Variants in RAD51B observed in about 807,000 individuals in gnomAD.
RAD51B encodes DNA repair protein RAD51 homolog 2.
A neutral mutation model predicts 42.2 loss-of-function variants in RAD51B; 38 were observed. The ratio of observed to expected loss-of-function variants is 0.90; its 90% CI spans 0.70 to 1.18. The LOEUF (loss-of-function observed/expected upper bound fraction) is 1.18. RAD51B is among the 50% of genes most tolerant of loss of function. The pLI is 0.00. For synonymous variants in RAD51B, 154 were observed against 145.2 expected, an observed-to-expected ratio of 1.06 and a Z score of -0.43; for missense variants, 373 against 400.7, an observed-to-expected ratio of 0.93 and a Z score of 0.59.
chr14:67,885,025 G>A (rs1477447207), intron 5 of RAD51B, among the ~76,000 whole-genome samples: 1 of 152,050 alleles, frequency 6.6e-6, no homozygotes, highest in Non-Finnish European at 1.5e-5. Flanking sequence ...GATGCTTTTT[G>A]AGTTTACAGC....
chr14:67,832,335 C>T (rs928079587), intron 3 of RAD51B, among the ~76,000 whole-genome samples: 2 of 152,022 alleles, frequency 1.3e-5, no homozygotes, highest in East Asian at 3.9e-4. Context: ...AAAAAGCAGG[C>T]TACAAAATTG....
At chr14:68,007,503 C>T (rs985309946) in intron 7 of RAD51B, among the ~76,000 whole-genome samples, 3 of 151,870 alleles carry the variant, frequency 2.0e-5, no homozygotes, top group African/African-American at 7.3e-5. Context: ...ACACTTTTAT[C>T]AACGCTTTTT....
At chr14:67,892,830 C>T (rs141983232) in intron 7 of RAD51B, among the ~76,000 whole-genome samples, 257 of 152,328 alleles carry the variant, frequency 1.7e-3, no homozygotes, top group African/African-American at 6.0e-3. Context: ...TCCTGGTTGA[C>T]ATTACTTTGC....
chr14:68,044,107 G>T (rs1317476221), intron 7 of RAD51B, among the ~76,000 whole-genome samples: 1 of 152,196 alleles, frequency 6.6e-6, no homozygotes, highest in Non-Finnish European at 1.5e-5. Flanking sequence ...ACTGGCCCAG[G>T]AAAAGCAGTG....
chr14:68,519,029 G>A (rs981292133), intron 10 of RAD51B, among the ~76,000 whole-genome samples: 1 of 152,164 alleles, frequency 6.6e-6, no homozygotes, highest in African/African-American at 2.4e-5. Context: ...TATCAGAACT[G>A]ATTGCACAAA....
rs575706665 is a variant in RAD51B, at chr14:68,189,309, G to A, written c.757-102575G>A. ...ACTCAATAAGTACTTGAATATGAGC[G>A]ACCACTACATAATTTCCTCAGTTCA... On this transcript the variant is annotated intron_variant, in intron 7 of 10. Transcript: ENST00000471583. Among the ~76,000 whole-genome samples, 157 of 152,022 alleles carry A rather than the reference G, an allele frequency of 1.0e-3. 2 individuals carry two copies. The South Asian group carries it at 0.031, about 30-fold the overall frequency.
intron 10 of RAD51B, among the ~76,000 whole-genome samples, chr14:68,632,099 G>T (rs7153037): frequency 0.14 from 21,237 of 152,072 alleles, 1,659 homozygotes; most frequent in South Asian, 0.19. Flanking sequence ...TTAAACCTCT[G>T]AGACACCAAG....
chr14:68,155,385 G>A (rs2078481044), intron 7 of RAD51B, among the ~76,000 whole-genome samples: 1 of 151,910 alleles, frequency 6.6e-6, no homozygotes, highest in African/African-American at 2.4e-5. Flanking sequence ...GTAGAGACGG[G>A]GTTTCACCAT....
At chr14:68,508,804 C>G (rs1885519068) in intron 10 of RAD51B, among the ~76,000 whole-genome samples, 1 of 152,244 alleles carries the variant, frequency 6.6e-6, no homozygotes, top group African/African-American at 2.4e-5. Flanking sequence ...CCCCTGAAAG[C>G]CTTGGAAGGG....
In RAD51B at chr14:67,825,402, T is replaced by C. The variant is rs574178911; in HGVS notation, c.85-62T>C. On this transcript the variant is annotated intron_variant, in intron 2 of 10. Transcript: ENST00000471583. Reference sequence around the variant, plus strand: ...TAAGCAGTATCAATTGAAGGTTTCCTTTTAACTCTAGTATCTTTGTTACAC... The same window carrying C: ...TAAGCAGTATCAATTGAAGGTTTCCCTTTAACTCTAGTATCTTTGTTACAC... 1,641 of 1,213,856 alleles carry C rather than the reference T, an allele frequency of 1.4e-3. 4 individuals are homozygous for C. Among genetic ancestry groups the C allele is most frequent in the Non-Finnish European group, 1.8e-3 (1,560 of 854,730 alleles). 75.2% of individuals were successfully genotyped at this position (1,213,856 alleles called of 1,614,324 possible). A position where few individuals can be genotyped will look rare whatever the true frequency, so the allele number is the denominator to read the frequency against.
intron 7 of RAD51B, among the ~76,000 whole-genome samples, chr14:68,092,429 C>G (rs10145309): frequency 0.33 from 49,820 of 151,762 alleles, 12,036 homozygotes; most frequent in African/African-American, 0.69. Flanking sequence ...CTTGTAAGTT[C>G]GATTCCTAGG....
intron 7 of RAD51B, among the ~76,000 whole-genome samples, chr14:68,021,051 G>A (rs1210787290): frequency 6.6e-6 from 1 of 152,194 alleles, no homozygotes; most frequent in Non-Finnish European, 1.5e-5. Context: ...ATAACCAGAT[G>A]ATGGAAACTG....
intron 7 of RAD51B, among the ~76,000 whole-genome samples, chr14:67,940,240 A>G (rs1465728545): frequency 6.7e-6 from 1 of 149,730 alleles, no homozygotes; most frequent in Admixed American, 6.6e-5. Flanking sequence ...CACCTGGCTA[A>G]TTTTTGTATT....
At chr14:68,118,407 G>A (rs568765546) in intron 7 of RAD51B, among the ~76,000 whole-genome samples, 1 of 152,188 alleles carries the variant, frequency 6.6e-6, no homozygotes, top group African/African-American at 2.4e-5. Context: ...ACCTGTGACA[G>A]TTCTAATGAG....
chr14:68,088,685 C>T (rs1164309643), intron 7 of RAD51B, among the ~76,000 whole-genome samples: 7 of 60,936 alleles, frequency 1.1e-4, no homozygotes, highest in African/African-American at 2.8e-4. Flanking sequence ...GAAAGAGTGG[C>T]GGGGGATGAA....
rs913150528 is a variant in RAD51B, at chr14:68,067,931, C to CAAA, written c.756+180753_756+180755dup. ...TGTCTGACAGAGCGAGACTCCATCT[C>CAAA]AAAAAAAAAAAAAAAAAAAAAAAAA... On this transcript the variant is annotated intron_variant, in intron 7 of 10. Coordinates refer to ENST00000471583, the MANE Select transcript of RAD51B (RefSeq NM_133510.4). Among the ~76,000 whole-genome samples, 34 of 24,694 alleles carry CAAA rather than the reference C, an allele frequency of 1.4e-3. 2 individuals carry two copies. The highest frequency in any genetic ancestry group is 3.1e-3 in the East Asian group (2 of 644). The allele number at this position is 24,694 out of a possible 152,430, so 16.2% of individuals were successfully genotyped here. A position where few individuals can be genotyped will look rare whatever the true frequency, so the allele number is the denominator to read the frequency against.
intron 7 of RAD51B, among the ~76,000 whole-genome samples, chr14:68,228,168 A>C (rs1014875926): frequency 1.3e-5 from 2 of 152,174 alleles, no homozygotes; most frequent in African/African-American, 4.8e-5. Context: ...CTGTAGCTCC[A>C]AAGCCCAAAG....
intron 10 of RAD51B, among the ~76,000 whole-genome samples, chr14:68,604,666 C>T (rs1595019514): frequency 6.6e-6 from 1 of 152,210 alleles, no homozygotes; most frequent in African/African-American, 2.4e-5. Flanking sequence ...TCCTGCCTCC[C>T]TCTAAGTCAT....
intron 7 of RAD51B, among the ~76,000 whole-genome samples, chr14:67,952,894 T>G (rs942798530): frequency 6.8e-6 from 1 of 148,002 alleles, no homozygotes; most frequent in Non-Finnish European, 1.5e-5. Context: ...AGTTTTTTTG[T>G]TTTTTTTTTA....
Sources: gnomAD v4.1 joint callset for allele counts (sites outside exome capture counted in the v4.1 genomes callset) on GRCh38, gnomAD v4.1.1 for gene constraint, MANE v1.5 for transcripts, NCBI Gene and HGNC (gene_info 2026-07-23, HGNC 2026-07-21) for gene names.